SOX5: variants seen among roughly 807,000 people sequenced by gnomAD.
SOX5 encodes SRY-box transcription factor 5.
Under a neutral mutation model 92.0 loss-of-function variants are expected in SOX5, and 9 were observed. The ratio of observed to expected loss-of-function variants is 0.10; its 90% CI spans 0.06 to 0.17. SOX5 has a LOEUF of 0.17. Ranked by LOEUF, SOX5 falls within the 10% of genes least tolerant of loss-of-function variation. The probability of loss-of-function intolerance (pLI) is 1.00; values close to 1 mark genes in which losing one functional copy is unlikely to be tolerated. For missense variants in SOX5, 642 were observed against 944.5 expected (o/e 0.68, Z 4.20); for synonymous variants, 344 against 336.3 (o/e 1.02, Z -0.25).
At chr12:24,267,170 G>A (rs1370350481) in intron 3 of SOX5, among the ~76,000 whole-genome samples, 1 of 152,134 alleles carries the variant, frequency 6.6e-6, no homozygotes, top group East Asian at 1.9e-4. Flanking sequence ...AGGTTGCAGT[G>A]AGCCAAGATG....
chr12:24,323,027 C>T (rs573440138), intron 2 of SOX5, among the ~76,000 whole-genome samples: 8 of 152,016 alleles, frequency 5.3e-5, no homozygotes, highest in African/African-American at 1.4e-4. Context: ...TTTTATGAGA[C>T]AGCCCTTATC....
upstream of SOX5, among the ~76,000 whole-genome samples, chr12:23,952,479 T>G (rs957647983): frequency 2.6e-5 from 4 of 152,228 alleles, no homozygotes; most frequent in Non-Finnish European, 4.4e-5. Flanking sequence ...ATTTTGATTT[T>G]ATTGGCACTT....
chr12:24,256,983 T>C (rs1219910501), intron 3 of SOX5, among the ~76,000 whole-genome samples: 1 of 152,220 alleles, frequency 6.6e-6, no homozygotes, highest in Non-Finnish European at 1.5e-5. Context: ...CACTGGGCTT[T>C]CTGCAGAGAA....
intron 1 of SOX5, among the ~76,000 whole-genome samples, chr12:23,905,096 T>C (rs935071060): frequency 6.6e-6 from 1 of 152,238 alleles, no homozygotes; most frequent in African/African-American, 2.4e-5. Context: ...GCTTCTTTAC[T>C]ACTAGTTGGA....
chr12:23,861,730 T>C (rs543658808), intron 2 of SOX5, among the ~76,000 whole-genome samples: 3 of 152,294 alleles, frequency 2.0e-5, no homozygotes, highest in South Asian at 4.1e-4. Flanking sequence ...TTTCTTTAAG[T>C]CTCAAACTTA....
chr12:24,029,653 C>G (rs1299042749), intron 4 of SOX5, among the ~76,000 whole-genome samples: 2 of 151,910 alleles, frequency 1.3e-5, no homozygotes, highest in African/African-American at 4.8e-5. Context: ...GCGTTGAGCT[C>G]CTAATTGCAT....
At chr12:24,561,763 C>A (rs1321133088) in intron 1 of SOX5, among the ~76,000 whole-genome samples, 4 of 132,834 alleles carry the variant, frequency 3.0e-5, no homozygotes, top group Non-Finnish European at 6.1e-5. Flanking sequence ...TTGCAGAAAG[C>A]GAAACAAAAA....
chr12:23,662,477 T>C (rs1480299091), intron 7 of SOX5, among the ~76,000 whole-genome samples: 1 of 152,218 alleles, frequency 6.6e-6, no homozygotes, highest in Non-Finnish European at 1.5e-5. Context: ...CTGGCTGTGC[T>C]GCTACTAATT....
intron 1 of SOX5, among the ~76,000 whole-genome samples, chr12:24,409,197 C>A (rs1963600028): frequency 6.6e-6 from 1 of 152,094 alleles, no homozygotes; most frequent in Non-Finnish European, 1.5e-5. Flanking sequence ...AAGCTGAAAG[C>A]CATCATCCTT....
At chr12:24,078,859 A>G (rs1030112857) in intron 4 of SOX5, among the ~76,000 whole-genome samples, 2 of 152,052 alleles carry the variant, frequency 1.3e-5, no homozygotes, top group African/African-American at 4.8e-5. Context: ...GCATTTCTGA[A>G]CCAAACCTCT....
intron 4 of SOX5, among the ~76,000 whole-genome samples, chr12:23,992,181 G>A (rs1950622366): frequency 6.7e-6 from 1 of 149,514 alleles, no homozygotes; most frequent in South Asian, 2.1e-4. Flanking sequence ...AGGAGCTTTG[G>A]TCTGGCAACA....
At chr12:24,011,717 A>G (rs917287776) in intron 4 of SOX5, among the ~76,000 whole-genome samples, 3 of 152,116 alleles carry the variant, frequency 2.0e-5, no homozygotes, top group Non-Finnish European at 4.4e-5. Flanking sequence ...CGACCATTCT[A>G]AAGTAACAAT....
At chr12:23,613,260 C>T (rs1370740485) in intron 8 of SOX5, among the ~76,000 whole-genome samples, 1 of 151,518 alleles carries the variant, frequency 6.6e-6, no homozygotes, top group East Asian at 1.9e-4. Context: ...AACCTATTTT[C>T]AAAATGACCT....
At chr12:23,940,921 A>G (rs1446352035) in intron 1 of SOX5, among the ~76,000 whole-genome samples, 1 of 151,366 alleles carries the variant, frequency 6.6e-6, no homozygotes, top group Admixed American at 6.6e-5. Context: ...CAAATTTTCC[A>G]TTAAATATGC....
chr12:24,190,044 AAAAT>A (rs1956374345), intron 4 of SOX5, among the ~76,000 whole-genome samples: 1 of 152,206 alleles, frequency 6.6e-6, no homozygotes, highest in African/African-American at 2.4e-5. Flanking sequence ...GACAATGAGA[AAAAT>A]AAAAAAAGTT....
At chr12:24,394,734 G>A (rs1287966338) in intron 1 of SOX5, among the ~76,000 whole-genome samples, 1 of 152,138 alleles carries the variant, frequency 6.6e-6, no homozygotes, top group African/African-American at 2.4e-5. Flanking sequence ...TCAATAAGTG[G>A]CAAGTAAAAG....
intron 1 of SOX5, among the ~76,000 whole-genome samples, chr12:24,512,192 T>A (rs1217562045): frequency 2.0e-5 from 3 of 152,194 alleles, no homozygotes; most frequent in Non-Finnish European, 4.4e-5. Context: ...TTCAGAAGCC[T>A]GAATGAACTC....
chr12:24,250,707 T>G (rs952111099), intron 3 of SOX5, among the ~76,000 whole-genome samples: 13 of 152,236 alleles, frequency 8.5e-5, no homozygotes, highest in Non-Finnish European at 1.6e-4. Flanking sequence ...TGGTGTCAAC[T>G]CAATCAAAGG....
intron 4 of SOX5, among the ~76,000 whole-genome samples, chr12:24,041,130 T>C (rs1018174757): frequency 5.3e-5 from 8 of 152,210 alleles, no homozygotes; most frequent in African/African-American, 1.9e-4. Context: ...TAGCTGCAAA[T>C]GGATAAGAGA....
Sources: gnomAD v4.1 joint callset for allele counts (sites outside exome capture counted in the v4.1 genomes callset) on GRCh38, gnomAD v4.1.1 for gene constraint, MANE v1.5 for transcripts, NCBI Gene and HGNC (gene_info 2026-07-23, HGNC 2026-07-21) for gene names.